The following BLTP3B variants were observed in gnomAD, a reference collection of about 807,000 sequenced individuals.
BLTP3B encodes the protein UHRF1 (ICBP90) binding protein 1-like.
the BLTP3B span, chr12:100,060,125 C>G: frequency 9.2e-7 from 1 of 1,085,912 alleles, no homozygotes. Flanking sequence ...CATGTTTAGT[C>G]AGTTTTATTC....
chr12:100,104,193 G>GTTCTTTTTTTCTTTTT, the BLTP3B span, among the ~76,000 whole-genome samples: 1 of 145,482 alleles, frequency 6.9e-6, no homozygotes, highest in Non-Finnish European at 1.5e-5. Context: ...GAAATTGTAA[G>GTTCTTTTTTTCTTTTT]TTCTTTTTTT....
chr12:100,116,048 T>G, the BLTP3B span, among the ~76,000 whole-genome samples: 1 of 151,580 alleles, frequency 6.6e-6, no homozygotes, highest in Non-Finnish European at 1.5e-5. Flanking sequence ...GGTGCACACC[T>G]GCAATCCCAG....
chr12:100,101,245 A>T, the BLTP3B span, among the ~76,000 whole-genome samples: 2 of 152,180 alleles, frequency 1.3e-5, no homozygotes, highest in African/African-American at 4.8e-5. Flanking sequence ...CACATCTGAT[A>T]AACCTGGCCT....
At chr12:100,114,913 A>T in the BLTP3B span, among the ~76,000 whole-genome samples, 1 of 152,300 alleles carries the variant, frequency 6.6e-6, no homozygotes, top group East Asian at 1.9e-4. Flanking sequence ...ACCTCTTTTA[A>T]TACAACACTT....
the BLTP3B span, among the ~76,000 whole-genome samples, chr12:100,073,442 C>T: frequency 2.0e-5 from 3 of 151,426 alleles, no homozygotes; most frequent in East Asian, 1.9e-4. Context: ...TCAAGCAATC[C>T]ACCCACCTCA....
chr12:100,051,366 G>T, the BLTP3B span: 1 of 610,928 alleles, frequency 1.6e-6, no homozygotes, highest in Non-Finnish European at 2.6e-6. Context: ...AGAAAAATTA[G>T]ATTGTAATTA....
chr12:100,131,544 A>G, the BLTP3B span, among the ~76,000 whole-genome samples: 1 of 152,068 alleles, frequency 6.6e-6, no homozygotes, highest in African/African-American at 2.4e-5. Context: ...TGGAAATTCA[A>G]AGTTTATACA....
chr12:100,124,894 C>A, the BLTP3B span, among the ~76,000 whole-genome samples: 1 of 136,644 alleles, frequency 7.3e-6, no homozygotes, highest in African/African-American at 2.7e-5. Context: ...TATACTCCCA[C>A]CTGGGTGACA....
At chr12:100,100,027 T>C in the BLTP3B span, among the ~76,000 whole-genome samples, 1,801 of 150,108 alleles carry the variant, frequency 0.012, 40 homozygotes, top group African/African-American at 0.042. Flanking sequence ...CCAGGCATGG[T>C]GACAGTGGCT....
At chr12:100,102,938 C>T in the BLTP3B span, 2 of 910,056 alleles carry the variant, frequency 2.2e-6, no homozygotes, top group South Asian at 2.5e-5. Context: ...ATTATTTTCT[C>T]TTTCATTTTT....
At chr12:100,093,495 T>C in the BLTP3B span, among the ~76,000 whole-genome samples, 6 of 152,350 alleles carry the variant, frequency 3.9e-5, no homozygotes, top group African/African-American at 7.2e-5. Context: ...CTAAAAATCA[T>C]CTGGCTTGCA....
the BLTP3B span, among the ~76,000 whole-genome samples, chr12:100,102,420 T>C: frequency 5.9e-5 from 9 of 152,154 alleles, no homozygotes; most frequent in African/African-American, 2.2e-4. Context: ...CCTCCCAACT[T>C]AACTCTTAAG....
the BLTP3B span, chr12:100,058,451 A>G: frequency 6.2e-7 from 1 of 1,613,402 alleles, no homozygotes; most frequent in East Asian, 2.2e-5. Flanking sequence ...GATCCTTTAA[A>G]GGGATATGGC....
the BLTP3B span, among the ~76,000 whole-genome samples, chr12:100,103,253 G>C: frequency 1.3e-5 from 2 of 151,974 alleles, no homozygotes; most frequent in Non-Finnish European, 2.9e-5. Flanking sequence ...TAAGATCTGA[G>C]CTATGAGACA....
chr12:100,072,830 GT>G, the BLTP3B span: 27 of 1,579,424 alleles, frequency 1.7e-5, no homozygotes, highest in Non-Finnish European at 2.3e-5. Context: ...AGATAAATAA[GT>G]TTACTGAAAT....
chr12:100,134,527 G>A, the BLTP3B span, among the ~76,000 whole-genome samples: 6 of 152,056 alleles, frequency 3.9e-5, no homozygotes, highest in Non-Finnish European at 8.8e-5. Context: ...TGAGGCAGGA[G>A]AATCACTTGA....
chr12:100,086,660 G>A, the BLTP3B span, among the ~76,000 whole-genome samples: 246 of 152,184 alleles, frequency 1.6e-3, 1 homozygote, highest in African/African-American at 5.5e-3. Context: ...CATATGTCAG[G>A]CATTATTTTA....
At chr12:100,138,816 G>A in the BLTP3B span, among the ~76,000 whole-genome samples, 3 of 152,116 alleles carry the variant, frequency 2.0e-5, no homozygotes, top group South Asian at 2.1e-4. Context: ...CCACTTTGCC[G>A]ATTTGCAAGC....
At chr12:100,112,858 C>CAA in the BLTP3B span, among the ~76,000 whole-genome samples, 54 of 60,544 alleles carry the variant, frequency 8.9e-4, no homozygotes, top group African/African-American at 1.8e-3. Context: ...GACTCCATCT[C>CAA]AAAAAAAAAA....
Sources: allele counts gnomAD v4.1 joint callset (sites outside exome capture counted in the v4.1 genomes callset), GRCh38; gene constraint gnomAD v4.1.1; transcripts MANE v1.5; gene names NCBI Gene and HGNC (gene_info 2026-07-23, HGNC 2026-07-21).